The following KLRG1 variants were observed in gnomAD, a reference collection of about 807,000 sequenced individuals.
KLRG1 encodes the protein killer cell lectin-like receptor subfamily G member 1.
In KLRG1, 16 loss-of-function variants were observed where a neutral mutation model predicts 21.8. The ratio of observed to expected loss-of-function variants is 0.73; its 90% CI spans 0.50 to 1.11. The LOEUF is 1.11. KLRG1 is among the 50% of genes most tolerant of loss of function. The pLI is 0.00. For synonymous variants in KLRG1, 69 were observed against 75.9 expected (o/e 0.91, Z 0.47); for missense variants, 173 against 218.3 (o/e 0.79, Z 1.31).
At chr12:8,993,643 C>T (rs1391503008) in intron 2 of KLRG1, among the ~76,000 whole-genome samples, 6 of 152,056 alleles carry the variant, frequency 3.9e-5, no homozygotes, top group Non-Finnish European at 5.9e-5. Flanking sequence ...GAGCCAAGTC[C>T]GACCTTTGAC....
the KLRG1 span, chr12:9,093,445 A>T: frequency 6.5e-7 from 1 of 1,544,496 alleles, no homozygotes; most frequent in African/African-American, 1.4e-5. Flanking sequence ...TGCATATTGC[A>T]TATGCAGGAA....
At chr12:9,003,949 C>T (rs565327952) in intron 3 of KLRG1, among the ~76,000 whole-genome samples, 172 of 150,872 alleles carry the variant, frequency 1.1e-3, no homozygotes, top group Non-Finnish European at 2.1e-3. Context: ...TGAGAACATG[C>T]GGTGTTTGGT....
At chr12:9,012,800 C>G (rs760895033), downstream of KLRG1, among the ~76,000 whole-genome samples, 3 of 152,126 alleles carry the variant, frequency 2.0e-5, no homozygotes, top group South Asian at 6.2e-4. Context: ...GGTAGAGACC[C>G]AGGCCTGGCA....
chr12:9,076,560 C>T, the KLRG1 span, among the ~76,000 whole-genome samples: 1 of 152,164 alleles, frequency 6.6e-6, no homozygotes, highest in Non-Finnish European at 1.5e-5. Flanking sequence ...AGCATCTGCA[C>T]GGCCTCTTGT....
chr12:9,072,458 T>C, the KLRG1 span: 1 of 1,612,758 alleles, frequency 6.2e-7, no homozygotes, highest in Non-Finnish European at 8.5e-7. Context: ...CTCTTCCTTT[T>C]CTGGGAGAAT....
the KLRG1 span, chr12:9,196,961 C>A: frequency 2.3e-6 from 3 of 1,318,756 alleles, no homozygotes; most frequent in South Asian, 2.5e-5. Flanking sequence ...AAAATGGAGT[C>A]TCACTGGTTG....
chr12:9,101,002 A>T, the KLRG1 span: 3 of 732,940 alleles, frequency 4.1e-6, no homozygotes, highest in Non-Finnish European at 4.4e-6. Flanking sequence ...ACTACCAAAG[A>T]ATTTATTCAT....
At chr12:9,144,736 TGTCTCTGG>T in the KLRG1 span, among the ~76,000 whole-genome samples, 1 of 152,126 alleles carries the variant, frequency 6.6e-6, no homozygotes, top group Admixed American at 6.6e-5. Context: ...GGGGTTGGAA[TGTCTCTGG>T]TCAGAGGGAA....
chr12:9,151,602 A>G, the KLRG1 span: 7 of 1,613,274 alleles, frequency 4.3e-6, no homozygotes, highest in Non-Finnish European at 5.1e-6. Context: ...CAGAGCCCTC[A>G]CCTGTTCCAC....
At chr12:9,175,991 AT>A in the KLRG1 span, among the ~76,000 whole-genome samples, 2 of 152,226 alleles carry the variant, frequency 1.3e-5, no homozygotes, top group African/African-American at 4.8e-5. Flanking sequence ...TTATTCTGTT[AT>A]AAAGATACAT....
At chr12:8,972,907 C>T (rs1302885617) in intron 1 of KLRG1, among the ~76,000 whole-genome samples, 1 of 151,814 alleles carries the variant, frequency 6.6e-6, no homozygotes, top group African/African-American at 2.4e-5. Context: ...TTGGGAGGCC[C>T]AGGTGGGTGG....
chr12:9,107,261 T>C, the KLRG1 span, among the ~76,000 whole-genome samples: 1 of 152,202 alleles, frequency 6.6e-6, no homozygotes, highest in Non-Finnish European at 1.5e-5. Flanking sequence ...TGTATGGTTT[T>C]TTCCTTCCTT....
the KLRG1 span, chr12:9,074,513 C>A: frequency 6.6e-7 from 1 of 1,514,028 alleles, no homozygotes; most frequent in East Asian, 2.4e-5. Flanking sequence ...TCATTCAAAT[C>A]TTTTGCTACC....
chr12:9,198,511 A>G, the KLRG1 span, among the ~76,000 whole-genome samples: 1 of 152,206 alleles, frequency 6.6e-6, no homozygotes, highest in Admixed American at 6.5e-5. Flanking sequence ...CAAAATGCAC[A>G]GACACACGCA....
intron 3 of KLRG1, among the ~76,000 whole-genome samples, chr12:8,997,596 T>C (rs1947171422): frequency 1.3e-5 from 2 of 152,172 alleles, no homozygotes; most frequent in Admixed American, 1.3e-4. Flanking sequence ...GAGAATTTTG[T>C]TGCTATATGT....
At chr12:9,179,449 A>C in the KLRG1 span, among the ~76,000 whole-genome samples, 42 of 152,324 alleles carry the variant, frequency 2.8e-4, 2 homozygotes, top group African/African-American at 8.9e-4. Context: ...TGTCACCCCC[A>C]TGAATTAATA....
At chr12:9,076,882 G>A in the KLRG1 span, 1 of 1,612,718 alleles carries the variant, frequency 6.2e-7, no homozygotes, top group Non-Finnish European at 8.5e-7. Context: ...TCCCCTTCTT[G>A]TGCTGTCTTC....
chr12:9,017,124 C>T, the KLRG1 span, among the ~76,000 whole-genome samples: 6 of 151,326 alleles, frequency 4.0e-5, no homozygotes, highest in Non-Finnish European at 8.8e-5. Context: ...ATTAGCCAGG[C>T]GTGGTGGTGG....
At chr12:9,197,117 A>C in the KLRG1 span, 1 of 1,600,962 alleles carries the variant, frequency 6.2e-7, no homozygotes, top group Non-Finnish European at 8.6e-7. Context: ...GCTTCCCATA[A>C]GTGTATCTGG....
Sources: allele counts gnomAD v4.1 joint callset (sites outside exome capture counted in the v4.1 genomes callset), GRCh38; gene constraint gnomAD v4.1.1; transcripts MANE v1.5; gene names NCBI Gene and HGNC (gene_info 2026-07-23, HGNC 2026-07-21).